The following KRT8 variants were observed in gnomAD, a reference collection of about 807,000 sequenced individuals.
KRT8 encodes keratin 8, also known as keratin, type II cytoskeletal 8.
KRT8 carries 24 observed loss-of-function variants against 43.0 expected under a neutral mutation model. The ratio of observed to expected loss-of-function variants is 0.56; its 90% confidence interval spans 0.40 to 0.78. KRT8 has a LOEUF of 0.78. KRT8 is among the 30% of genes least tolerant of loss of function. KRT8 has a pLI of 0.00. For synonymous variants in KRT8, 214 were observed against 261.2 expected (o/e 0.82, Z 1.74); for missense variants, 492 against 638.4 (o/e 0.77, Z 2.47).
At chr12:52,939,138 G>C (rs138538644) in intron 2 of KRT8, among the ~76,000 whole-genome samples, 1 of 152,296 alleles carries the variant, frequency 6.6e-6, no homozygotes, top group Non-Finnish European at 1.5e-5. Flanking sequence ...ACAGTACAGA[G>C]TGTTGGTGAG....
chr12:52,898,945 CTCT>C, intron 5 of KRT8, 46 bp from the exon 6 acceptor site: 1 of 1,565,144 alleles, frequency 6.4e-7, no homozygotes, highest in Non-Finnish European at 8.8e-7. Context: ...GGTATGCCTT[CTCT>C]TCTCCCGTGC....
Position 52,944,674 on chromosome 12 carries a change from G to C in KRT8, c.-47+4782C>G, listed in dbSNP as rs553676101. 1.1e-3 allele frequency among the ~76,000 whole-genome samples: 167 copies of C among 152,272 alleles called. 1 individual carries two copies. The highest frequency in any genetic ancestry group is 3.8e-3 in the African/African-American group (156 of 41,546). ...CCTGGAGGTTTCTGGGCAGCCACACGCTTCTCAGCGCTGACCCTTCCTCTT... is the reference window on the plus strand; with the variant it reads ...CCTGGAGGTTTCTGGGCAGCCACACCCTTCTCAGCGCTGACCCTTCCTCTT... On this transcript the variant is annotated intron_variant, in intron 2 of 6. Coordinates refer to the KRT8 transcript ENST00000546826.
rs936898534 is a variant in KRT8 at position 52,923,071 on chromosome 12, G to A, written c.-46-18044C>T. On this transcript the variant is annotated intron_variant, in intron 2 of 6. Transcript: ENST00000546826. Reference sequence around the variant, plus strand: ...CTCCCAGCTCTCTGCCCTCCCACTCGTCCTGTGAACTGACCCTCCCTCACA... The same window carrying A: ...CTCCCAGCTCTCTGCCCTCCCACTCATCCTGTGAACTGACCCTCCCTCACA... Among the ~76,000 whole-genome samples the A allele has an allele frequency of 1.2e-4, 19 of 152,244 alleles. No homozygotes were observed. In the East Asian group the frequency reaches 2.3e-3, roughly 19 times the overall value.
At chr12:52,911,266 C>T (rs371082582), upstream of KRT8, among the ~76,000 whole-genome samples, 1 of 152,044 alleles carries the variant, frequency 6.6e-6, no homozygotes, top group Non-Finnish European at 1.5e-5. Flanking sequence ...GCAGAAGAAT[C>T]GCTTGAACCC....
intron 2 of KRT8, among the ~76,000 whole-genome samples, chr12:52,937,833 C>A (rs1179482918): frequency 1.3e-5 from 2 of 151,210 alleles, no homozygotes; most frequent in Non-Finnish European, 2.9e-5. Context: ...CCTGTCTCTA[C>A]TAAAAATACA....
chr12:52,900,541 G>A (rs760479347), intron 4 of KRT8, 47 bp downstream of exon 4: 16 of 1,246,670 alleles, frequency 1.3e-5, no homozygotes, highest in African/African-American at 5.9e-5. Context: ...GGGTGGAGGC[G>A]CTGACAAGGC....
chr12:52,924,231 A>C (rs886546625), intron 2 of KRT8, among the ~76,000 whole-genome samples: 4 of 152,162 alleles, frequency 2.6e-5, no homozygotes, highest in African/African-American at 9.6e-5. Flanking sequence ...GACAGATCAC[A>C]AGGTCAGGAA....
chr12:52,897,278 C>T (rs767526007), exon 8 of KRT8: 3 of 770,328 alleles, frequency 3.9e-6, no homozygotes, highest in African/African-American at 1.7e-5. Flanking sequence ...CAAGGGGGGT[C>T]CCCAGGTAGT....
upstream of KRT8, among the ~76,000 whole-genome samples, chr12:52,910,280 C>T (rs4382982): frequency 0.023 from 3,520 of 152,330 alleles, 71 homozygotes; most frequent in Admixed American, 0.051. Context: ...ACCCCGTCTG[C>T]ATTTTCAAAG....
chr12:52,901,089 A>C, intron 3 of KRT8, 70 bp downstream of exon 3: 1 of 1,126,944 alleles, frequency 8.9e-7, no homozygotes, highest in Non-Finnish European at 1.4e-6. Flanking sequence ...CAAAACCCAG[A>C]AAGCTTCTTG....
At chr12:52,900,100 C>G (rs775384746) in intron 4 of KRT8, 35 bp from the exon 5 acceptor site, 1 of 1,606,486 alleles carries the variant, frequency 6.2e-7, no homozygotes, top group East Asian at 2.2e-5. Flanking sequence ...GAGGCCCTGT[C>G]TCTGCACACA....
chr12:52,948,684 G>A (rs181790403), intron 2 of KRT8: 317 of 365,932 alleles, frequency 8.7e-4, no homozygotes, highest in African/African-American at 6.1e-3. Flanking sequence ...TAGAGAGGGG[G>A]TTTCACCATG....
chr12:52,914,634 C>T (rs1298917801), intron 2 of KRT8, among the ~76,000 whole-genome samples: 1 of 152,212 alleles, frequency 6.6e-6, no homozygotes, highest in Non-Finnish European at 1.5e-5. Flanking sequence ...CCCCAGCTCC[C>T]AGCCAAAGGA....
rs371624304 is a variant in KRT8, at chr12:52,918,205, CAAGAAGAAGAAGAAG to C, written c.-46-13193_-46-13179del. Among the ~76,000 whole-genome samples, 255 of 116,680 alleles carry C rather than the reference CAAGAAGAAGAAGAAG, an allele frequency of 2.2e-3. 1 individual carries two copies. Among genetic ancestry groups the C allele is most frequent in the East Asian group, 3.2e-3 (12 of 3,736 alleles). 76.5% of individuals were successfully genotyped at this position (116,680 alleles called of 152,430 possible). On this transcript the variant is annotated intron_variant, in intron 2 of 6. Coordinates refer to the KRT8 transcript ENST00000546826. ...GGAAGAAGAAGAAGAAGAAGAAGAA[CAAGAAGAAGAAGAAG>C]AAGAAGAAGAAGAAGAAGAAGAAGA...
At chr12:52,922,008 T>C (rs1455307126) in intron 2 of KRT8, among the ~76,000 whole-genome samples, 5 of 150,314 alleles carry the variant, frequency 3.3e-5, no homozygotes, top group African/African-American at 1.2e-4. Context: ...TATACCCCTC[T>C]CCCCCACAAA....
intron 2 of KRT8, among the ~76,000 whole-genome samples, chr12:52,938,526 C>T (rs989266081): frequency 3.3e-5 from 5 of 151,888 alleles, no homozygotes; most frequent in East Asian, 1.9e-4. Context: ...CATGTAATCC[C>T]AGCATTTTGG....
At chr12:52,922,751 CTT>C (rs1941913818) in intron 2 of KRT8, among the ~76,000 whole-genome samples, 1 of 152,176 alleles carries the variant, frequency 6.6e-6, no homozygotes, top group South Asian at 2.1e-4. Flanking sequence ...AGTTCAGAAA[CTT>C]TCCATCTACT....
At chr12:52,914,971 C>G (rs1941706575) in intron 2 of KRT8, among the ~76,000 whole-genome samples, 2 of 152,172 alleles carry the variant, frequency 1.3e-5, no homozygotes, top group Non-Finnish European at 2.9e-5. Flanking sequence ...TGAACCAATC[C>G]CTGTGGCCAG....
chr12:52,926,332 G>GGCCACCCCCC, intron 2 of KRT8: 5 of 600,260 alleles, frequency 8.3e-6, no homozygotes, highest in Non-Finnish European at 1.2e-5. Flanking sequence ...GGCACTAGCT[G>GGCCACCCCCC]CCCTCCCCAC....
Sources: gnomAD v4.1 joint callset for allele counts (sites outside exome capture counted in the v4.1 genomes callset) on GRCh38, gnomAD v4.1.1 for gene constraint, MANE v1.5 for transcripts, NCBI Gene and HGNC (gene_info 2026-07-23, HGNC 2026-07-21) for gene names.